ELMO1: variants seen among roughly 807,000 people sequenced by gnomAD.
ELMO1 encodes engulfment and cell motility protein 1.
A neutral mutation model predicts 98.9 loss-of-function variants in ELMO1; 26 were observed. That is an observed-to-expected ratio of 0.26 (90% CI 0.19 to 0.36). The LOEUF (loss-of-function observed/expected upper bound fraction) is 0.36, where lower values mean the gene tolerates loss of function less well. ELMO1 is among the 10% of genes least tolerant of loss of function. The probability of loss-of-function intolerance (pLI) is 1.00; values close to 1 mark genes in which losing one functional copy is unlikely to be tolerated. For missense variants in ELMO1, 627 were observed against 935.2 expected, an observed-to-expected ratio of 0.67 and a Z score of 4.30; for synonymous variants, 346 against 346.0, an observed-to-expected ratio of 1.00 and a Z score of 0.00.
At chr7:37,253,729 A>C (rs1295499148) in intron 6 of ELMO1, among the ~76,000 whole-genome samples, 1 of 151,800 alleles carries the variant, frequency 6.6e-6, no homozygotes. Context: ...GTAAAAAAAA[A>C]AAAAAAACAA....
At chr7:36,934,016 C>T (rs1319010276) in intron 16 of ELMO1, among the ~76,000 whole-genome samples, 1 of 152,162 alleles carries the variant, frequency 6.6e-6, no homozygotes. Context: ...TACAGGCTCT[C>T]CCAGCAGGAT....
intron 16 of ELMO1, among the ~76,000 whole-genome samples, chr7:36,968,818 G>A (rs1789666323): frequency 6.6e-6 from 1 of 151,858 alleles, no homozygotes; most frequent in Non-Finnish European, 1.5e-5. Context: ...TTTCTAAAAT[G>A]AGTTATATCC....
rs1419905089 is a variant in ELMO1, at chr7:36,898,945, C to T, written c.1438-3928G>A. 3.9e-5 allele frequency among the ~76,000 whole-genome samples: 6 copies of T among 152,140 alleles called. No homozygotes were observed. In the East Asian group the frequency reaches 1.2e-3, roughly 29 times the overall value. The stretch of plus-strand genomic sequence containing the variant: ...TCCATGAACACTCATGGAGGCCCTC[C>T]CAAAGGGCTGAGGGCATAGCACCAG... On this transcript the variant is annotated intron_variant, in intron 16 of 21. Transcript: ENST00000310758.
At chr7:37,207,377 C>T (rs188020443) in intron 13 of ELMO1, among the ~76,000 whole-genome samples, 2 of 150,326 alleles carry the variant, frequency 1.3e-5, no homozygotes, top group African/African-American at 2.4e-5. Context: ...ATGGCGAAAC[C>T]CTGTCTCTAC....
chr7:37,331,333 C>CTTTTTTTTTTTTTTTTTTTTTT lies in ELMO1; in HGVS notation c.78+11258_78+11279dup, dbSNP rs776303689. 6.3e-4 allele frequency among the ~76,000 whole-genome samples: 18 copies of CTTTTTTTTTTTTTTTTTTTTTT among 28,732 alleles called. 3 individuals carry two copies. Among genetic ancestry groups the CTTTTTTTTTTTTTTTTTTTTTT allele is most frequent in the African/African-American group, 1.1e-3 (10 of 8,892 alleles). 18.8% of individuals were successfully genotyped at this position (28,732 alleles called of 152,430 possible). A position where few individuals can be genotyped will look rare whatever the true frequency, so the allele number is the denominator to read the frequency against. ...TACAGGCGCCAGCCGCCACGCCTGG[C>CTTTTTTTTTTTTTTTTTTTTTT]TTTTTTTTTTTTTTTTTTTTTTGGA... On this transcript the variant is annotated intron_variant, in intron 2 of 21. Transcript: ENST00000310758.
At chr7:37,078,173 G>A (rs1467443601) in intron 15 of ELMO1, among the ~76,000 whole-genome samples, 4 of 151,946 alleles carry the variant, frequency 2.6e-5, no homozygotes, top group Admixed American at 6.6e-5. Context: ...TAATGAATCC[G>A]GGCACGATTA....
chr7:37,412,841 A>C (rs1804049761), intron 1 of ELMO1, among the ~76,000 whole-genome samples: 1 of 152,180 alleles, frequency 6.6e-6, no homozygotes, highest in African/African-American at 2.4e-5. Context: ...AGCAGCCCTA[A>C]GAGACATCCA....
intron 2 of ELMO1, among the ~76,000 whole-genome samples, chr7:37,327,341 A>G (rs1031491808): frequency 1.3e-5 from 2 of 152,280 alleles, no homozygotes; most frequent in Non-Finnish European, 1.5e-5. Flanking sequence ...TAGCTTAAAA[A>G]TAAAAATTCA....
intron 10 of ELMO1, among the ~76,000 whole-genome samples, chr7:37,218,646 A>G (rs1340703374): frequency 6.6e-6 from 1 of 152,264 alleles, no homozygotes; most frequent in African/African-American, 2.4e-5. Context: ...TGACATGGAA[A>G]GATGTCCACA....
chr7:37,407,523 A>G (rs995707167), intron 1 of ELMO1, among the ~76,000 whole-genome samples: 3 of 151,668 alleles, frequency 2.0e-5, no homozygotes, highest in Non-Finnish European at 2.9e-5. Flanking sequence ...AAAAAAAAAA[A>G]GAACATGGAT....
At chr7:37,122,973 T>G (rs1361533058) in intron 14 of ELMO1, among the ~76,000 whole-genome samples, 2 of 152,106 alleles carry the variant, frequency 1.3e-5, no homozygotes, top group Admixed American at 6.5e-5. Context: ...AACTCAGGAT[T>G]AAGAAACCCA....
At chr7:36,929,310 C>T (rs375725399) in intron 16 of ELMO1, among the ~76,000 whole-genome samples, 1 of 152,220 alleles carries the variant, frequency 6.6e-6, no homozygotes, top group Non-Finnish European at 1.5e-5. Context: ...GCCACCTCCT[C>T]TTAGTTCCCT....
chr7:37,096,795 C>A, intron 14 of ELMO1, 68 bp from the exon 15 acceptor site: 1 of 1,383,458 alleles, frequency 7.2e-7, no homozygotes, highest in Non-Finnish European at 1.0e-6. Context: ...ATATCACCTT[C>A]ATTCCAATAG....
At position 37,383,879 on chromosome 7, in the gene ELMO1, G is replaced by A. The variant is rs549984490; in HGVS notation, c.-73-41116C>T. On this transcript the variant is annotated intron_variant, in intron 1 of 21. Transcript: ENST00000310758. ...TGCCCAGGCTGGAGTGCAGTGGCGCGATCTCGGCTCACTGCAAGCTCCGCA... is the reference window on the plus strand; with the variant it reads ...TGCCCAGGCTGGAGTGCAGTGGCGCAATCTCGGCTCACTGCAAGCTCCGCA... Among the ~76,000 whole-genome samples, 39 of 152,186 alleles carry A rather than the reference G, an allele frequency of 2.6e-4. No individual in the cohort carries two copies. The East Asian group carries it at 4.1e-3, about 16-fold the overall frequency.
chr7:37,193,218 C>G (rs1422039576), intron 13 of ELMO1, among the ~76,000 whole-genome samples: 4 of 151,860 alleles, frequency 2.6e-5, no homozygotes, highest in East Asian at 1.9e-4. Flanking sequence ...CCACTTCCCC[C>G]CTGGATTCTT....
At chr7:37,311,885 G>C (rs989644231) in intron 4 of ELMO1, among the ~76,000 whole-genome samples, 2 of 152,160 alleles carry the variant, frequency 1.3e-5, no homozygotes, top group African/African-American at 4.8e-5. Context: ...TCAACTTCAA[G>C]AATGTCCTCA....
intron 13 of ELMO1, among the ~76,000 whole-genome samples, chr7:37,168,302 T>G (rs970924145): frequency 6.6e-6 from 1 of 150,590 alleles, no homozygotes; most frequent in Middle Eastern, 3.2e-3. Flanking sequence ...CTGTAGCTCA[T>G]AGTTTGATCG....
chr7:37,165,106 T>C (rs1789558337), intron 13 of ELMO1, among the ~76,000 whole-genome samples: 1 of 152,236 alleles, frequency 6.6e-6, no homozygotes, highest in African/African-American at 2.4e-5. Context: ...CAATTGTGAA[T>C]AGGAGTTCAC....
chr7:37,196,151 T>C (rs1791951063), intron 13 of ELMO1, among the ~76,000 whole-genome samples: 1 of 152,180 alleles, frequency 6.6e-6, no homozygotes, highest in Non-Finnish European at 1.5e-5. Flanking sequence ...AAGCTGAGAA[T>C]GGAGACAAGG....
Sources: allele counts gnomAD v4.1 joint callset (sites outside exome capture counted in the v4.1 genomes callset), GRCh38; gene constraint gnomAD v4.1.1; transcripts MANE v1.5; gene names NCBI Gene and HGNC (gene_info 2026-07-23, HGNC 2026-07-21).